RBFOX1: variants seen among roughly 807,000 people sequenced by gnomAD.
RBFOX1 encodes RNA binding fox-1 homolog 1.
RBFOX1 carries 8 observed loss-of-function variants against 57.7 expected under a neutral mutation model. That is an observed-to-expected ratio of 0.14 (90% CI 0.08 to 0.25). The LOEUF is 0.25. Among genes scored for constraint, RBFOX1 ranks in the 10% least tolerant of loss-of-function variants. The pLI is 1.00. For missense variants in RBFOX1, 611 were observed against 548.5 expected (o/e 1.11, Z -1.14); for synonymous variants, 326 against 222.4 (o/e 1.47, Z -4.15).
Position 5,242,894 on chromosome 16 carries a change from C to G in RBFOX1, c.219+2789C>G, listed in dbSNP as rs183500280. Reference sequence around the variant, plus strand: ...AAGGGGTTGCTTTATTTGGTGGTGGCTAGAGGATGTTTTAGCAGATAAATC... The same window carrying G: ...AAGGGGTTGCTTTATTTGGTGGTGGGTAGAGGATGTTTTAGCAGATAAATC... On this transcript the variant is annotated intron_variant, in intron 1 of 2. Transcript: ENST00000585867. Among the ~76,000 whole-genome samples, 378 of 151,272 alleles carry G rather than the reference C, an allele frequency of 2.5e-3. 1 individual carries two copies. The highest frequency in any genetic ancestry group is 8.8e-3 in the African/African-American group (363 of 41,202).
intron 2 of RBFOX1, among the ~76,000 whole-genome samples, chr16:6,580,682 A>C (rs1379930798): frequency 2.0e-5 from 3 of 152,186 alleles, no homozygotes; most frequent in Non-Finnish European, 4.4e-5. Flanking sequence ...TAAACCTGCA[A>C]GGTAGGCATC....
intron 3 of RBFOX1, among the ~76,000 whole-genome samples, chr16:5,786,801 A>G (rs1255983488): frequency 6.6e-6 from 1 of 152,222 alleles, no homozygotes; most frequent in Non-Finnish European, 1.5e-5. Flanking sequence ...GTTTGACCTC[A>G]TCAGAGAGTG....
intron 5 of RBFOX1, among the ~76,000 whole-genome samples, chr16:7,540,256 C>G (rs932393085): frequency 6.6e-6 from 1 of 152,188 alleles, no homozygotes; most frequent in African/African-American, 2.4e-5. Context: ...GTTTCCCTCG[C>G]TGGAAACTCC....
chr16:6,142,794 G>C (rs1433952873), intron 1 of RBFOX1, among the ~76,000 whole-genome samples: 24 of 152,134 alleles, frequency 1.6e-4, no homozygotes, highest in Admixed American at 1.4e-3. Flanking sequence ...ACTGTTAGTA[G>C]CTGAGATCTC....
chr16:7,139,168 A>ATCTC (rs144266030), intron 4 of RBFOX1, among the ~76,000 whole-genome samples: 6 of 139,406 alleles, frequency 4.3e-5, no homozygotes, highest in East Asian at 2.1e-4. Context: ...GATGAAATCA[A>ATCTC]TCTCTCTCTG....
chr16:6,713,976 T>A lies in RBFOX1; in HGVS notation c.-16+59326T>A, dbSNP rs1030800823. On this transcript the variant is annotated intron_variant, in intron 3 of 15. Coordinates refer to ENST00000550418, the MANE Select transcript of RBFOX1 (RefSeq NM_018723.4). The stretch of plus-strand genomic sequence containing the variant: ...TTCACATGAAAGTAGTTGATACGGT[T>A]AGGCTTTGTGTACCCACGTAAATCT... Among the ~76,000 whole-genome samples, 3 of 152,230 alleles carry A rather than the reference T, an allele frequency of 2.0e-5. No homozygotes were observed. The East Asian group carries it at 5.8e-4, about 29-fold the overall frequency.
intron 3 of RBFOX1, among the ~76,000 whole-genome samples, chr16:5,809,485 C>T (rs1040337716): frequency 6.6e-6 from 1 of 152,090 alleles, no homozygotes; most frequent in African/African-American, 2.4e-5. Context: ...AAGAAAAAAA[C>T]AAACAACCCC....
chr16:7,555,794 C>T (rs1439772720), intron 5 of RBFOX1, among the ~76,000 whole-genome samples: 1 of 152,174 alleles, frequency 6.6e-6, no homozygotes, highest in Non-Finnish European at 1.5e-5. Flanking sequence ...TTCATAAAAG[C>T]CATCCATTGA....
chr16:6,613,003 A>ATGTGTG lies in RBFOX1; in HGVS notation c.-63-41565_-63-41560dup, dbSNP rs57236292. On this transcript the variant is annotated intron_variant, in intron 2 of 15. Coordinates refer to ENST00000550418, the MANE Select transcript of RBFOX1 (RefSeq NM_018723.4). The stretch of plus-strand genomic sequence containing the variant: ...AGAGAAGGCAGGTGCCAGTCCCAGC[A>ATGTGTG]TGTGTGTGTGTGTGTGTGTGTGTGT... Among the ~76,000 whole-genome samples the ATGTGTG allele has an allele frequency of 3.1e-3, 448 of 143,236 alleles. 4 individuals are homozygous for ATGTGTG. Among genetic ancestry groups the ATGTGTG allele is most frequent in the African/African-American group, 0.011 (405 of 38,416 alleles). The allele number at this position is 143,236 out of a possible 152,430, so 94.0% of individuals were successfully genotyped here.
At chr16:7,396,272 C>G (rs1029638118) in intron 4 of RBFOX1, among the ~76,000 whole-genome samples, 1 of 151,832 alleles carries the variant, frequency 6.6e-6, no homozygotes, top group Admixed American at 6.6e-5. Flanking sequence ...CTCCTTCTTG[C>G]CTTTGGACAG....
intron 4 of RBFOX1, among the ~76,000 whole-genome samples, chr16:7,343,027 G>T (rs2096927551): frequency 6.6e-6 from 1 of 152,162 alleles, no homozygotes; most frequent in South Asian, 2.1e-4. Flanking sequence ...AGGACGGGGA[G>T]GGTGGACTTT....
intron 2 of RBFOX1, among the ~76,000 whole-genome samples, chr16:6,417,398 T>C (rs1441810882): frequency 6.7e-6 from 1 of 149,300 alleles, no homozygotes; most frequent in Non-Finnish European, 1.5e-5. Context: ...GTTAGTCAAA[T>C]ATAAATGTGT....
At chr16:7,524,652 T>G (rs2078274712) in intron 5 of RBFOX1, among the ~76,000 whole-genome samples, 1 of 152,202 alleles carries the variant, frequency 6.6e-6, no homozygotes, top group South Asian at 2.1e-4. Context: ...GTGCCCCAGC[T>G]AGGTTCCTGA....
intron 4 of RBFOX1, among the ~76,000 whole-genome samples, chr16:7,205,157 A>C (rs10153112): frequency 2.0e-5 from 3 of 151,932 alleles, no homozygotes; most frequent in Non-Finnish European, 4.4e-5. Context: ...CTGAGAGACC[A>C]AGAAAAATAG....
At chr16:6,582,515 G>A (rs928652105) in intron 2 of RBFOX1, among the ~76,000 whole-genome samples, 15 of 147,986 alleles carry the variant, frequency 1.0e-4, no homozygotes, top group African/African-American at 3.0e-4. Context: ...CCCTGACACT[G>A]CATGTGGAGT....
At chr16:7,442,155 A>T (rs556087794) in intron 4 of RBFOX1, among the ~76,000 whole-genome samples, 1 of 152,116 alleles carries the variant, frequency 6.6e-6, no homozygotes, top group African/African-American at 2.4e-5. Flanking sequence ...CATGAACGGG[A>T]CCCCAGAGAT....
chr16:6,395,282 C>G (rs1462976319), intron 2 of RBFOX1, among the ~76,000 whole-genome samples: 1 of 152,116 alleles, frequency 6.6e-6, no homozygotes, highest in Non-Finnish European at 1.5e-5. Flanking sequence ...GTGGAAAATG[C>G]CAACAAAGTC....
intron 1 of RBFOX1, among the ~76,000 whole-genome samples, chr16:6,096,217 GC>G (rs2096243703): frequency 6.6e-6 from 1 of 152,160 alleles, no homozygotes; most frequent in Non-Finnish European, 1.5e-5. Flanking sequence ...GCATTGTCCT[GC>G]TGAATTATTC....
intron 1 of RBFOX1, among the ~76,000 whole-genome samples, chr16:5,258,506 A>AAAATG (rs2062647236): frequency 6.6e-6 from 1 of 152,204 alleles, no homozygotes; most frequent in African/African-American, 2.4e-5. Flanking sequence ...TCTTGTCCTC[A>AAAATG]AAATGTAAAT....
Sources: gnomAD v4.1 joint callset for allele counts (sites outside exome capture counted in the v4.1 genomes callset) on GRCh38, gnomAD v4.1.1 for gene constraint, MANE v1.5 for transcripts, NCBI Gene and HGNC (gene_info 2026-07-23, HGNC 2026-07-21) for gene names.